The following DLG2 variants were observed in gnomAD, a reference collection of about 807,000 sequenced individuals.
DLG2 encodes discs large MAGUK scaffold protein 2.
Under a neutral mutation model 132.5 loss-of-function variants are expected in DLG2, and 45 were observed. The observed-to-expected ratio is 0.34, with a 90% CI of 0.27 to 0.44. The LOEUF is 0.44. DLG2 is among the 20% of genes least tolerant of loss of function. DLG2 has a pLI of 1.00. For synonymous variants in DLG2, 424 were observed against 419.6 expected (o/e 1.01, Z -0.13); for missense variants, 1,045 against 1,196.9 (o/e 0.87, Z 1.87).
chr11:84,972,971 T>G (rs2054318839), intron 6 of DLG2, among the ~76,000 whole-genome samples: 1 of 151,898 alleles, frequency 6.6e-6, no homozygotes, highest in African/African-American at 2.4e-5. Context: ...TTTCTTTTTT[T>G]TTTGAGACAG....
chr11:84,393,842 A>C (rs555604269), intron 7 of DLG2, among the ~76,000 whole-genome samples: 4 of 152,236 alleles, frequency 2.6e-5, no homozygotes, highest in Non-Finnish European at 1.5e-5. Flanking sequence ...TAATGTATAC[A>C]CATCATTAAT....
At chr11:85,303,580 T>C (rs754916652) in intron 3 of DLG2, among the ~76,000 whole-genome samples, 13 of 152,204 alleles carry the variant, frequency 8.5e-5, no homozygotes, top group Non-Finnish European at 1.8e-4. Flanking sequence ...TGTGTTCATG[T>C]CTCCCAATCT....
At chr11:84,986,488 C>A (rs985281216) in intron 6 of DLG2, among the ~76,000 whole-genome samples, 2 of 152,098 alleles carry the variant, frequency 1.3e-5, no homozygotes, top group African/African-American at 4.8e-5. Context: ...AGACTACAGA[C>A]CAATATCCCT....
At chr11:84,205,812 A>G (rs1597392581) in intron 8 of DLG2, among the ~76,000 whole-genome samples, 1 of 152,120 alleles carries the variant, frequency 6.6e-6, no homozygotes, top group African/African-American at 2.4e-5. Context: ...TGGTATATTC[A>G]AAGTAACTAA....
chr11:84,120,947 C>A (rs567230460), intron 9 of DLG2, among the ~76,000 whole-genome samples: 1 of 152,210 alleles, frequency 6.6e-6, no homozygotes, highest in Non-Finnish European at 1.5e-5. Flanking sequence ...TAAACATGCA[C>A]ATAAAATCAG....
intron 4 of DLG2, among the ~76,000 whole-genome samples, chr11:85,253,828 C>A (rs2076526607): frequency 6.6e-6 from 1 of 152,054 alleles, no homozygotes; most frequent in Admixed American, 6.6e-5. Context: ...CAAAGGGGAG[C>A]TGAAAAGGGG....
At chr11:85,573,563 C>T (rs2077974214) in intron 3 of DLG2, among the ~76,000 whole-genome samples, 1 of 152,088 alleles carries the variant, frequency 6.6e-6, no homozygotes, top group East Asian at 1.9e-4. Context: ...GTGCCAGTAT[C>T]ACACTCTTTC....
At chr11:83,551,923 G>A (rs2096400813) in intron 19 of DLG2, among the ~76,000 whole-genome samples, 1 of 152,172 alleles carries the variant, frequency 6.6e-6, no homozygotes, top group South Asian at 2.1e-4. Flanking sequence ...CAGTTGTACA[G>A]CTTGATGTTT....
chr11:85,084,331 G>A lies in DLG2; in HGVS notation c.357+27330C>T, dbSNP rs915142259. On this transcript the variant is annotated intron_variant, in intron 6 of 27. Transcript: ENST00000376104. ...GGTACTAGAAGGAAAGTCAGAATAT[G>A]TGGTACAGATGCAGGCATCTAAGAA... 2.6e-5 allele frequency among the ~76,000 whole-genome samples: 4 copies of A among 152,168 alleles called. No homozygotes were observed. In the East Asian group the frequency reaches 7.7e-4, roughly 29 times the overall value.
intron 21 of DLG2, among the ~76,000 whole-genome samples, chr11:83,506,512 C>T (rs1036032301): frequency 1.6e-4 from 25 of 152,266 alleles, no homozygotes; most frequent in Admixed American, 5.2e-4. Context: ...TAGGTCTAGA[C>T]GCAAATAGGG....
At chr11:83,862,026 A>G (rs2061540398) in intron 16 of DLG2, among the ~76,000 whole-genome samples, 1 of 152,186 alleles carries the variant, frequency 6.6e-6, no homozygotes, top group African/African-American at 2.4e-5. Context: ...AGAAATTAAA[A>G]ATTGAAAACA....
intron 12 of DLG2, among the ~76,000 whole-genome samples, chr11:83,979,450 A>G (rs555502239): frequency 6.6e-6 from 1 of 152,306 alleles, no homozygotes; most frequent in African/African-American, 2.4e-5. Flanking sequence ...AATTTACAAT[A>G]TTCGATTATT....
intron 3 of DLG2, among the ~76,000 whole-genome samples, chr11:85,517,931 C>A (rs560320918): frequency 1.3e-5 from 2 of 152,266 alleles, no homozygotes; most frequent in East Asian, 3.9e-4. Flanking sequence ...AGGAGAGTTT[C>A]CCTGCACAAG....
chr11:84,204,088 G>A (rs1292634261), intron 8 of DLG2, among the ~76,000 whole-genome samples: 1 of 152,066 alleles, frequency 6.6e-6, no homozygotes, highest in Non-Finnish European at 1.5e-5. Flanking sequence ...CTCCCGAATA[G>A]CTGGGATTAC....
At chr11:84,691,016 C>A (rs1333397742) in intron 6 of DLG2, among the ~76,000 whole-genome samples, 3 of 151,822 alleles carry the variant, frequency 2.0e-5, no homozygotes, top group Non-Finnish European at 4.4e-5. Context: ...GTCCACAGAA[C>A]AGTTTATCAT....
chr11:83,953,972 G>A lies in DLG2; in HGVS notation c.1340+8913C>T, dbSNP rs547855938. ...AGGATGAACTTACTCCATTAAAAATGTAATGCAACATTGATTAAATTACTA... is the reference window on the plus strand; with the variant it reads ...AGGATGAACTTACTCCATTAAAAATATAATGCAACATTGATTAAATTACTA... On this transcript the variant is annotated intron_variant, in intron 14 of 27. Coordinates refer to ENST00000376104, the MANE Select transcript of DLG2 (RefSeq NM_001142699.3). Among the ~76,000 whole-genome samples the A allele has an allele frequency of 2.7e-4, 41 of 152,272 alleles. No homozygotes were observed. The South Asian group carries it at 8.3e-3, about 31-fold the overall frequency.
At chr11:85,301,423 G>A (rs1450866248) in intron 3 of DLG2, among the ~76,000 whole-genome samples, 2 of 152,110 alleles carry the variant, frequency 1.3e-5, no homozygotes, top group Non-Finnish European at 1.5e-5. Context: ...ATGGATGGAT[G>A]TGTAAAGCAA....
intron 9 of DLG2, among the ~76,000 whole-genome samples, chr11:84,149,558 G>A (rs2095221875): frequency 6.6e-6 from 1 of 151,886 alleles, no homozygotes; most frequent in African/African-American, 2.4e-5. Context: ...GGTTCTCTAT[G>A]CTGTTTCATT....
At chr11:85,480,256 T>G (rs970149781) in intron 3 of DLG2, among the ~76,000 whole-genome samples, 6 of 152,218 alleles carry the variant, frequency 3.9e-5, no homozygotes, top group Non-Finnish European at 8.8e-5. Flanking sequence ...ATGTATTTAG[T>G]CTAGAGAAAC....
Sources: allele counts gnomAD v4.1 joint callset (sites outside exome capture counted in the v4.1 genomes callset), GRCh38; gene constraint gnomAD v4.1.1; transcripts MANE v1.5; gene names NCBI Gene and HGNC (gene_info 2026-07-23, HGNC 2026-07-21).